Variants in MAP4K5 observed in about 807,000 individuals in gnomAD.
The protein encoded by MAP4K5 is mitogen-activated protein kinase kinase kinase kinase 5, also known as MAPK/ERK kinase kinase kinase 5.
MAP4K5 carries 82 observed loss-of-function variants against 135.6 expected under a neutral mutation model. The ratio of observed to expected loss-of-function variants is 0.60; its 90% CI spans 0.51 to 0.73. The LOEUF (loss-of-function observed/expected upper bound fraction) is 0.73. Among genes scored for constraint, MAP4K5 ranks in the 30% least tolerant of loss-of-function variants. MAP4K5 has a pLI of 0.00. For synonymous variants in MAP4K5, 347 were observed against 335.0 expected (o/e 1.04, Z -0.39); for missense variants, 907 against 1,010.9 (o/e 0.90, Z 1.39).
chr14:50,439,051 A>G (rs1213453470), intron 23 of MAP4K5, among the ~76,000 whole-genome samples: 2 of 152,054 alleles, frequency 1.3e-5, no homozygotes, highest in African/African-American at 4.8e-5. Flanking sequence ...ATATTTTACC[A>G]AACAAAAGTA....
chr14:50,475,192 A>T, intron 8 of MAP4K5, 43 bp from the exon 9 acceptor site: 2 of 1,425,360 alleles, frequency 1.4e-6, no homozygotes, highest in South Asian at 1.2e-5. Flanking sequence ...TTTACAATAC[A>T]CCAAACAACA....
chr14:50,427,730 G>A (rs1566632528), intron 30 of MAP4K5, among the ~76,000 whole-genome samples: 2 of 152,084 alleles, frequency 1.3e-5, no homozygotes, highest in African/African-American at 4.8e-5. Context: ...TGATCAATGA[G>A]CATGCAAACA....
chr14:50,477,404 T>C (rs2037125799), intron 6 of MAP4K5, among the ~76,000 whole-genome samples: 1 of 152,220 alleles, frequency 6.6e-6, no homozygotes, highest in Non-Finnish European at 1.5e-5. Context: ...CAGATGATGA[T>C]GTGGTCTGTG....
intron 1 of MAP4K5, among the ~76,000 whole-genome samples, chr14:50,544,455 G>A (rs996969054): frequency 1.3e-5 from 2 of 152,190 alleles, no homozygotes; most frequent in African/African-American, 4.8e-5. Flanking sequence ...TTTAGGCTTG[G>A]ACAATTCTGG....
chr14:50,553,181 A>T (rs568040861), intron 1 of MAP4K5, among the ~76,000 whole-genome samples: 2 of 151,932 alleles, frequency 1.3e-5, no homozygotes, highest in East Asian at 3.9e-4. Flanking sequence ...CTGTAGTCAC[A>T]GCTACTCAGG....
At chr14:50,438,535 G>A (rs2036150690) in intron 23 of MAP4K5, 1 of 153,680 alleles carries the variant, frequency 6.5e-6, no homozygotes, top group African/African-American at 2.4e-5. Flanking sequence ...ATGATACAAG[G>A]ATAACAGGGC....
intron 1 of MAP4K5, among the ~76,000 whole-genome samples, chr14:50,552,691 G>C (rs1160187928): frequency 6.6e-6 from 1 of 152,114 alleles, no homozygotes; most frequent in Non-Finnish European, 1.5e-5. Flanking sequence ...ACAGAATAGA[G>C]AACCCAGAAA....
At position 50,418,927 on chromosome 14, in the gene MAP4K5, T is replaced by C. The variant is rs2035662480; in HGVS notation, c.*1092A>G. 6.6e-6 allele frequency: 1 copy of C among 152,192 alleles called. No individual in the cohort carries two copies. Among genetic ancestry groups the C allele is most frequent in the Non-Finnish European group, 1.5e-5 (1 of 68,008 alleles). 9.4% of individuals were successfully genotyped at this position (152,192 alleles called of 1,614,324 possible). A position where few individuals can be genotyped will look rare whatever the true frequency, so the allele number is the denominator to read the frequency against. ...TTTATTATTTTTAGAATACTGGCTT[T>C]TAAATACTTATTGATACTATCCCAT... On this transcript the variant is annotated 3_prime_UTR_variant, in exon 33 of 33. Coordinates refer to ENST00000682126, the MANE Select transcript of MAP4K5 (RefSeq NM_006575.6).
At position 50,426,055 on chromosome 14, in the gene MAP4K5, A is replaced by G. The variant is rs1404336286; in HGVS notation, c.2327-78T>C. 4 of 905,434 alleles carry G rather than the reference A, an allele frequency of 4.4e-6. No individual in the cohort carries two copies. In the South Asian group the frequency reaches 4.6e-5, roughly 10 times the overall value. 56.1% of individuals were successfully genotyped at this position (905,434 alleles called of 1,614,324 possible). ...TATAAATTTTCTCTACTTTTAATAAATAATATAAGCCTATTCAAGTGTCTA... is the reference window on the plus strand; with the variant it reads ...TATAAATTTTCTCTACTTTTAATAAGTAATATAAGCCTATTCAAGTGTCTA... On this transcript the variant is annotated intron_variant, in intron 30 of 32. Coordinates refer to ENST00000682126, the MANE Select transcript of MAP4K5 (RefSeq NM_006575.6).
Position 50,501,263 on chromosome 14 carries a change from C to T in MAP4K5, c.166+3537G>A, listed in dbSNP as rs190374036. Among the ~76,000 whole-genome samples, 173 of 152,054 alleles carry T rather than the reference C, an allele frequency of 1.1e-3. 2 individuals carry two copies. Among genetic ancestry groups the T allele is most frequent in the Non-Finnish European group, 4.4e-4 (30 of 67,980 alleles). On this transcript the variant is annotated intron_variant, in intron 3 of 32. Coordinates refer to ENST00000682126, the MANE Select transcript of MAP4K5 (RefSeq NM_006575.6). Reference sequence around the variant, plus strand: ...TTTCAAAATCTGTAAACCAAGAATTCAACAGATGACTGTTTTATTTCTTAA... The same window carrying T: ...TTTCAAAATCTGTAAACCAAGAATTTAACAGATGACTGTTTTATTTCTTAA...
intron 31 of MAP4K5, 94 bp from the exon 32 acceptor site, chr14:50,423,270 A>T: frequency 1.8e-6 from 1 of 560,070 alleles, no homozygotes; most frequent in South Asian, 3.0e-5. Context: ...TAACACAATA[A>T]ATATTTTTTG....
intron 9 of MAP4K5, among the ~76,000 whole-genome samples, chr14:50,472,912 C>T (rs1448123301): frequency 6.6e-6 from 1 of 152,110 alleles, no homozygotes; most frequent in Non-Finnish European, 1.5e-5. Flanking sequence ...AAAACATGCA[C>T]ATGAATATTA....
At chr14:50,508,414 T>C (rs377425454) in intron 2 of MAP4K5, among the ~76,000 whole-genome samples, 1 of 152,088 alleles carries the variant, frequency 6.6e-6, no homozygotes, top group Non-Finnish European at 1.5e-5. Flanking sequence ...ATGTCCTTTG[T>C]AGGGACATGG....
intron 6 of MAP4K5, among the ~76,000 whole-genome samples, chr14:50,481,003 A>T (rs2037229152): frequency 6.6e-6 from 1 of 151,924 alleles, no homozygotes; most frequent in African/African-American, 2.4e-5. Context: ...TATTTTGGGA[A>T]CTAGAACTAT....
intron 10 of MAP4K5, among the ~76,000 whole-genome samples, chr14:50,468,051 T>C (rs904801358): frequency 2.0e-5 from 3 of 152,126 alleles, no homozygotes; most frequent in African/African-American, 7.2e-5. Flanking sequence ...TGCCCTCAAA[T>C]ATTTTTTTCT....
chr14:50,443,833 A>G, intron 19 of MAP4K5, 63 bp from the exon 20 acceptor site: 5 of 1,513,664 alleles, frequency 3.3e-6, no homozygotes, highest in Non-Finnish European at 4.5e-6. Flanking sequence ...AACTTGAGAC[A>G]TTTAGAACTT....
intron 21 of MAP4K5, 100 bp downstream of exon 21, chr14:50,442,632 G>A: frequency 2.8e-5 from 23 of 835,838 alleles, no homozygotes; most frequent in Non-Finnish European, 4.2e-5. Context: ...GGTCTCTAAA[G>A]TCGTATTTTT....
chr14:50,425,359 T>A (rs916662408), intron 31 of MAP4K5, among the ~76,000 whole-genome samples: 2 of 152,202 alleles, frequency 1.3e-5, no homozygotes, highest in African/African-American at 4.8e-5. Flanking sequence ...ATATGAATAG[T>A]ATCTACTTCT....
chr14:50,463,955 C>A, intron 12 of MAP4K5, 97 bp downstream of exon 12: 11 of 435,612 alleles, frequency 2.5e-5, no homozygotes, highest in East Asian at 1.1e-4. Context: ...TGTAAGAGAT[C>A]ACTAACATTT....
Sources: gnomAD v4.1 joint callset for allele counts (sites outside exome capture counted in the v4.1 genomes callset) on GRCh38, gnomAD v4.1.1 for gene constraint, MANE v1.5 for transcripts, NCBI Gene and HGNC (gene_info 2026-07-23, HGNC 2026-07-21) for gene names.